Variants in LRP11 observed in about 807,000 individuals in gnomAD.
LRP11 encodes LDL receptor related protein 11, also known as low-density lipoprotein receptor-related protein 11.
LRP11 carries 25 observed loss-of-function variants against 43.1 expected under a neutral mutation model. That is an observed-to-expected ratio of 0.58 (90% CI 0.42 to 0.81). The LOEUF (loss-of-function observed/expected upper bound fraction) is 0.81, where lower values mean the gene tolerates loss of function less well. Ranked by LOEUF, LRP11 falls within the 30% of genes least tolerant of loss-of-function variation. The probability of loss-of-function intolerance (pLI) is 0.00; values close to 1 mark genes in which losing one functional copy is unlikely to be tolerated. For missense variants in LRP11, 623 were observed against 665.1 expected, an observed-to-expected ratio of 0.94 and a Z score of 0.70; for synonymous variants, 316 against 299.4, an observed-to-expected ratio of 1.06 and a Z score of -0.57.
chr6:149,857,010 G>A lies in LRP11; in HGVS notation c.614-3850C>T, dbSNP rs1179848260. ...ATATGATTATTGTGATTTTTGGTAT[G>A]TACTGATCCAGTCCTTCTCCCTATG... On this transcript the variant is annotated intron_variant, in intron 1 of 6. Transcript: ENST00000239367. 2.0e-5 allele frequency among the ~76,000 whole-genome samples: 3 copies of A among 152,176 alleles called. No individual in the cohort carries two copies. The East Asian group carries it at 5.8e-4, about 29-fold the overall frequency.
At chr6:149,833,240 A>G (rs1776432284) in intron 5 of LRP11, among the ~76,000 whole-genome samples, 1 of 152,120 alleles carries the variant, frequency 6.6e-6, no homozygotes, top group African/African-American at 2.4e-5. Context: ...CCCGGCCAAT[A>G]ATGCACTTTT....
intron 2 of LRP11, among the ~76,000 whole-genome samples, chr6:149,844,944 G>T (rs1247637722): frequency 3.3e-5 from 5 of 152,210 alleles, no homozygotes; most frequent in African/African-American, 4.8e-5. Context: ...GTCAGAGTCA[G>T]TGGGTTGGTC....
At chr6:149,843,243 G>T in intron 2 of LRP11, 119 bp from the exon 3 acceptor site, 1 of 1,020,166 alleles carries the variant, frequency 9.8e-7, no homozygotes, top group Non-Finnish European at 1.5e-6. Context: ...CTGCACTCCG[G>T]CCCGAGGCTG....
intron 5 of LRP11, among the ~76,000 whole-genome samples, chr6:149,832,871 C>A (rs1415139361): frequency 6.6e-6 from 1 of 151,930 alleles, no homozygotes; most frequent in Non-Finnish European, 1.5e-5. Context: ...TGCAGTGGTG[C>A]GATCTTGGCT....
chr6:149,864,075 C>T lies in LRP11; in HGVS notation c.-55G>A. 1.6e-6 allele frequency: 2 copies of T among 1,248,608 alleles called. No individual in the cohort carries two copies. Among genetic ancestry groups the T allele is most frequent in the Non-Finnish European group, 2.0e-6 (2 of 998,728 alleles). The allele number at this position is 1,248,608 out of a possible 1,614,324, so 77.3% of individuals were successfully genotyped here. A position where few individuals can be genotyped will look rare whatever the true frequency, so the allele number is the denominator to read the frequency against. ...GGCGGGGCTGAGCGCGGGAGGAAGG[C>T]GGGGACGCGGGCGAGCGCGGGCCCT... On this transcript the variant is annotated 5_prime_UTR_variant, in exon 1 of 7. Transcript: ENST00000239367.
intron 2 of LRP11, among the ~76,000 whole-genome samples, chr6:149,845,900 A>C (rs929170348): frequency 1.3e-5 from 2 of 152,036 alleles, no homozygotes; most frequent in Admixed American, 1.3e-4. Flanking sequence ...CTCACCTCCA[A>C]TCCATCAGGA....
In LRP11 at chr6:149,820,708, G is replaced by C. The variant is rs747564531; in HGVS notation, c.1349-5C>G. The C allele has an allele frequency of 1.3e-6, 1 of 780,828 alleles. No homozygotes were observed. The highest frequency in any genetic ancestry group is 2.4e-6 in the Non-Finnish European group (1 of 418,048). The allele number at this position is 780,828 out of a possible 1,614,324, so 48.4% of individuals were successfully genotyped here. On this transcript the variant is annotated splice_polypyrimidine_tract_variant and splice_region_variant and intron_variant, in intron 6 of 6. Coordinates refer to ENST00000239367, the MANE Select transcript of LRP11 (RefSeq NM_032832.6). ...GCGCCAGGGGTAGCACTGCACCTTT[G>C]AGAAGGTTAGACATGAAGAGGGCAA...
chr6:149,826,849 G>A (rs2115373956), intron 5 of LRP11, among the ~76,000 whole-genome samples: 1 of 152,228 alleles, frequency 6.6e-6, no homozygotes, highest in Non-Finnish European at 1.5e-5. Context: ...GTTCACACAA[G>A]TAAGTGGGTC....
intron 1 of LRP11, among the ~76,000 whole-genome samples, chr6:149,859,603 T>C (rs188396634): frequency 1.2e-3 from 179 of 151,490 alleles, no homozygotes; most frequent in African/African-American, 4.3e-3. Flanking sequence ...ACCATGTTTG[T>C]CAGGCTGGTT....
At chr6:149,859,677 T>G (rs1776862362) in intron 1 of LRP11, among the ~76,000 whole-genome samples, 1 of 152,056 alleles carries the variant, frequency 6.6e-6, no homozygotes, top group African/African-American at 2.4e-5. Flanking sequence ...ATTACAGGTG[T>G]GAGCCACTGT....
At chr6:149,858,304 T>C in intron 1 of LRP11, among the ~76,000 whole-genome samples, 1 of 152,216 alleles carries the variant, frequency 6.6e-6, no homozygotes, top group African/African-American at 2.4e-5. Context: ...GGTGTTTGGT[T>C]TTCTGTCCTT....
At chr6:149,829,740 T>C (rs1354533797) in intron 5 of LRP11, among the ~76,000 whole-genome samples, 2 of 152,150 alleles carry the variant, frequency 1.3e-5, no homozygotes, top group African/African-American at 4.8e-5. Context: ...TCACTGTTTC[T>C]TCCCAATGAA....
At chr6:149,841,628 T>C (rs894846476) in intron 3 of LRP11, among the ~76,000 whole-genome samples, 3 of 152,164 alleles carry the variant, frequency 2.0e-5, no homozygotes, top group African/African-American at 7.2e-5. Flanking sequence ...CATGTAGACG[T>C]TGGGCTGGGC....
intron 6 of LRP11, among the ~76,000 whole-genome samples, chr6:149,821,571 G>A (rs1175922367): frequency 6.6e-6 from 1 of 152,184 alleles, no homozygotes; most frequent in Non-Finnish European, 1.5e-5. Flanking sequence ...CATTTCTTTA[G>A]TTTTTCCTGT....
intron 3 of LRP11, among the ~76,000 whole-genome samples, chr6:149,839,507 T>A (rs1776517608): frequency 6.6e-6 from 1 of 152,190 alleles, no homozygotes; most frequent in African/African-American, 2.4e-5. Context: ...ATCCCAGATA[T>A]CTCAAGGTTT....
At chr6:149,828,727 C>G (rs1269046614) in intron 5 of LRP11, among the ~76,000 whole-genome samples, 1 of 151,908 alleles carries the variant, frequency 6.6e-6, no homozygotes, top group African/African-American at 2.4e-5. Flanking sequence ...TGAGCTCAAG[C>G]AAGCCTCCCG....
rs867771004 is a variant in LRP11, at chr6:149,863,883, G to A, written c.138C>T (p.Ser46=). The change falls in exon 1 of 7, where the codon TCC becomes TCT. Residue 46 remains serine (S), a synonymous_variant. Transcript: ENST00000239367. ...CGCCCGACAGCTGCGCGTGCAGTTC[G>A]GACAGCGGCGCCGCGGGCGGCAAGG... The part of the protein sequence containing the change: ...RAALPPAAPL[S]ELHAQLSGVE... The A allele has an allele frequency of 6.7e-7, 1 of 1,496,238 alleles. No individual in the cohort carries two copies. Among genetic ancestry groups the A allele is most frequent in the Non-Finnish European group, 8.8e-7 (1 of 1,131,250 alleles). The allele number at this position is 1,496,238 out of a possible 1,614,324, so 92.7% of individuals were successfully genotyped here.
intron 1 of LRP11, among the ~76,000 whole-genome samples, chr6:149,857,119 A>G (rs1440352330): frequency 2.6e-5 from 4 of 152,234 alleles, no homozygotes; most frequent in East Asian, 3.8e-4. Context: ...TGAGAAAATT[A>G]TAACAGTGAA....
intron 2 of LRP11, among the ~76,000 whole-genome samples, chr6:149,848,387 C>T (rs148617260): frequency 6.6e-6 from 1 of 152,170 alleles, no homozygotes; most frequent in East Asian, 1.9e-4. Flanking sequence ...TAGGTATATA[C>T]CCAAAGAATA....
Sources: allele counts gnomAD v4.1 joint callset (sites outside exome capture counted in the v4.1 genomes callset), GRCh38; gene constraint gnomAD v4.1.1; transcripts MANE v1.5; gene names NCBI Gene and HGNC (gene_info 2026-07-23, HGNC 2026-07-21).